SPG7: variants seen among roughly 807,000 people sequenced by gnomAD.
SPG7 encodes SPG7 matrix AAA peptidase subunit, paraplegin, also known as mitochondrial inner membrane m-AAA protease component paraplegin.
In SPG7, 103 loss-of-function variants were observed where a neutral mutation model predicts 81.9. The observed-to-expected ratio is 1.26, with a 90% CI of 1.07 to 1.48. The LOEUF is 1.48. Among genes scored for constraint, SPG7 ranks in the 40% most tolerant of loss-of-function variants. SPG7 has a pLI of 0.00. For synonymous variants in SPG7, 534 were observed against 444.2 expected, an observed-to-expected ratio of 1.20 and a Z score of -2.54; for missense variants, 1,241 against 1,087.3, an observed-to-expected ratio of 1.14 and a Z score of -1.99.
intron 14 of SPG7, 128 bp from the exon 15 acceptor site, chr16:89,553,666 C>T (rs747450320): frequency 7.0e-6 from 6 of 861,870 alleles, no homozygotes; most frequent in African/African-American, 1.7e-5. Context: ...TCCAGCTTCA[C>T]GGTGGGTCCT....
At chr16:89,548,840 G>A (rs1597659408) in intron 12 of SPG7, 2 of 430,892 alleles carry the variant, frequency 4.6e-6, no homozygotes, top group East Asian at 1.4e-4. Flanking sequence ...GTGTGAGACA[G>A]GTTGAACGTT....
rs527599682 is a variant in SPG7 at position 89,552,639 on chromosome 16, G to A, written c.1780-340G>A. 3.4e-4 allele frequency: 123 copies of A among 365,424 alleles called. No individual in the cohort carries two copies. The Admixed American group carries it at 3.7e-3, about 11-fold the overall frequency. 22.6% of individuals were successfully genotyped at this position (365,424 alleles called of 1,614,324 possible). ...TTGCTCTGAACCCTCAGTAGCTGTC[G>A]CTGGTGTGAGGGGTCAGCGCAGCGG... is the stretch of plus-strand genomic sequence containing the variant. On this transcript the variant is annotated intron_variant, in intron 13 of 16. Coordinates refer to ENST00000645818, the MANE Select transcript of SPG7 (RefSeq NM_003119.4).
At chr16:89,520,903 A>G (rs1211896255) in intron 3 of SPG7, 1 of 152,164 alleles carries the variant, frequency 6.6e-6, no homozygotes, top group Non-Finnish European at 1.5e-5. Context: ...TTTTTGAATT[A>G]AAGAAACTAA....
At chr16:89,521,044 C>T (rs1038180396) in intron 3 of SPG7, 2 of 152,330 alleles carry the variant, frequency 1.3e-5, no homozygotes, top group Non-Finnish European at 2.9e-5. Flanking sequence ...AGGTCATCCA[C>T]CTGCGTGTGC....
In SPG7 at chr16:89,530,768, A is replaced by G. The variant is rs777707037; in HGVS notation, c.947A>G (p.Glu316Gly). ...TTCAAAGACGTGGCAGGAATGCACG[A>G]AGCCAAACTGGAAGTCCGCGAGTTT... is the stretch of plus-strand genomic sequence containing the variant. ...VSFKDVAGMH[E>G]AKLEVREFVD... Residue 316 changes from glutamate to glycine, a missense_variant, in exon 7 of 17, where the codon GAA becomes GGA. Glu to Gly is a moderately conservative substitution (Grantham distance 98). Coordinates refer to ENST00000645818, the MANE Select transcript of SPG7 (RefSeq NM_003119.4). The G allele has an allele frequency of 5.0e-6, 8 of 1,614,220 alleles. No individual in the cohort carries two copies. The East Asian group carries it at 1.6e-4, about 31-fold the overall frequency.
In SPG7 at chr16:89,532,513, G is replaced by A. The variant is rs776587961; in HGVS notation, c.1201G>A (p.Ala401Thr). The A allele has an allele frequency of 9.3e-6, 15 of 1,613,664 alleles. No individual in the cohort carries two copies. In the South Asian group the frequency reaches 1.5e-4, roughly 17 times the overall value. The change falls in exon 9 of 17, where the codon GCC becomes ACC. Residue 401 changes from alanine to threonine, a missense_variant. Coordinates refer to ENST00000645818, the MANE Select transcript of SPG7 (RefSeq NM_003119.4). ...CCTCTTTAAGGAAGCCCGAGCCCGG[G>A]CCCCCTGCATCGTCTACATCGATGA... ...RSLFKEARARAPCIVYIDEID... is the reference protein window; with the variant it reads ...RSLFKEARARTPCIVYIDEID...
chr16:89,536,501 G>GGGCGAGGCC (rs2058421763), intron 9 of SPG7, among the ~76,000 whole-genome samples: 1 of 47,496 alleles, frequency 2.1e-5, no homozygotes, highest in African/African-American at 7.3e-5. Flanking sequence ...TGAGGCAGGT[G>GGGCGAGGCC]AGGTGAGGCG....
At chr16:89,546,035 G>C (rs904527068) in intron 10 of SPG7, 2 of 368,732 alleles carry the variant, frequency 5.4e-6, no homozygotes, top group Admixed American at 7.1e-5. Flanking sequence ...GCCAAGGCTG[G>C]TGTCAAACCC....
chr16:89,534,045 T>G (rs1473500389), intron 9 of SPG7, among the ~76,000 whole-genome samples: 2 of 152,216 alleles, frequency 1.3e-5, no homozygotes, highest in Non-Finnish European at 2.9e-5. Flanking sequence ...ATTTACCATT[T>G]TAATCATTCT....
intron 5 of SPG7, chr16:89,527,344 T>C (rs1438673927): frequency 6.6e-6 from 1 of 152,250 alleles, no homozygotes; most frequent in Non-Finnish European, 1.5e-5. Context: ...ACTGTGCTCT[T>C]TGATGAAAGC....
In SPG7 at chr16:89,528,808, C is replaced by G. The variant is rs181054777; in HGVS notation, c.759-669C>G. 1,307 of 155,378 alleles carry G rather than the reference C, an allele frequency of 8.4e-3. 7 individuals are homozygous for G. Among genetic ancestry groups the G allele is most frequent in the Non-Finnish European group, 0.013 (897 of 70,150 alleles). The allele number at this position is 155,378 out of a possible 1,614,324, so 9.6% of individuals were successfully genotyped here. ...ATTTTTAGTAGACACAGGGTTTATT[C>G]TTACATTTTTCTTTTCTTTTTGAGA... On this transcript the variant is annotated intron_variant, in intron 5 of 16. Coordinates refer to ENST00000645818, the MANE Select transcript of SPG7 (RefSeq NM_003119.4).
chr16:89,550,192 A>T, intron 12 of SPG7: 1 of 368,114 alleles, frequency 2.7e-6, no homozygotes. Context: ...TTGTTTTTTG[A>T]GACGGAGTCT....
chr16:89,508,510 AG>A lies in SPG7; in HGVS notation c.96del (p.Phe33SerfsTer33). 1 of 1,514,580 alleles carries A rather than the reference AG, an allele frequency of 6.6e-7. No individual in the cohort carries two copies. 93.8% of individuals were successfully genotyped at this position (1,514,580 alleles called of 1,614,324 possible). The stretch of plus-strand genomic sequence containing the variant: ...GGGGCCCAGGCCCGGCCTGGAGTCC[AG>A]GGTTCCCCGCCAGGCCCGGGAGGGG... The part of the protein sequence containing the change: ...LWGPGPAWSP[G>X]FPARPGRGRP... On this transcript the variant is annotated frameshift_variant, in exon 1 of 17. Transcript: ENST00000645818. LOFTEE classifies it high-confidence loss of function.
chr16:89,535,641 T>C (rs928661833), intron 9 of SPG7, among the ~76,000 whole-genome samples: 6 of 152,204 alleles, frequency 3.9e-5, no homozygotes, highest in Non-Finnish European at 5.9e-5. Flanking sequence ...GATTCTGTGA[T>C]GTCTGAGGTG....
intron 3 of SPG7, chr16:89,520,076 T>C (rs2058164795): frequency 6.6e-6 from 1 of 152,288 alleles, no homozygotes. Flanking sequence ...CTGAGCGCCT[T>C]GGCGGACAGC....
chr16:89,546,837 GCCT>G lies in SPG7; in HGVS notation c.1552+82_1552+84del, dbSNP rs2058570741. The G allele has an allele frequency of 1.0e-5, 10 of 954,344 alleles. 1 individual carries two copies. In the South Asian group the frequency reaches 1.2e-4, roughly 11 times the overall value. The allele number at this position is 954,344 out of a possible 1,614,324, so 59.1% of individuals were successfully genotyped here. On this transcript the variant is annotated intron_variant, in intron 11 of 16. Transcript: ENST00000645818. Reference sequence around the variant, plus strand: ...TGTCACCTGCGCAAACAGCATCGAGGCCTCCTCTGTGGGGTGGGCGCTGCTCCT... The same window carrying G: ...TGTCACCTGCGCAAACAGCATCGAGGCCTCTGTGGGGTGGGCGCTGCTCCT...
In SPG7 at chr16:89,553,145, A is replaced by G; in HGVS notation, c.1936+10A>G. The G allele has an allele frequency of 6.3e-7, 1 of 1,594,162 alleles. No homozygotes were observed. Among genetic ancestry groups the G allele is most frequent in the Non-Finnish European group, 8.5e-7 (1 of 1,170,464 alleles). ...AACGAGGTCACTTCTGGTGAGGAGC[A>G]GCGGCGCGGGCCCTGGAGGTTTCAG... On this transcript the variant is annotated intron_variant, in intron 14 of 16. Coordinates refer to ENST00000645818, the MANE Select transcript of SPG7 (RefSeq NM_003119.4).
chr16:89,508,455 G>GGGGTCCAGGCCC lies in SPG7; in HGVS notation c.45_56dup (p.Gly16_Pro19dup), dbSNP rs1320821120. On this transcript the variant is annotated inframe_insertion, in exon 1 of 17. Transcript: ENST00000645818. The stretch of plus-strand genomic sequence containing the variant: ...CTGCTGCTGCTCCGTGCCCTCCGCC[G>GGGGTCCAGGCCC]GGGTCCAGGCCCGGGTCCTCGGCCG... 4 of 1,503,980 alleles carry GGGGTCCAGGCCC rather than the reference G, an allele frequency of 2.7e-6. No individual in the cohort carries two copies. Among genetic ancestry groups the GGGGTCCAGGCCC allele is most frequent in the Non-Finnish European group, 3.5e-6 (4 of 1,133,516 alleles). The allele number at this position is 1,503,980 out of a possible 1,614,324, so 93.2% of individuals were successfully genotyped here.
chr16:89,548,248 G>GT, intron 12 of SPG7, 135 bp downstream of exon 12: 1 of 672,188 alleles, frequency 1.5e-6, no homozygotes, highest in Non-Finnish European at 2.7e-6. Flanking sequence ...TCAGTTCTGC[G>GT]TAACTCATGT....
Sources: allele counts gnomAD v4.1 joint callset (sites outside exome capture counted in the v4.1 genomes callset), GRCh38; gene constraint gnomAD v4.1.1; transcripts MANE v1.5; gene names NCBI Gene and HGNC (gene_info 2026-07-23, HGNC 2026-07-21).